YLPM1: variants seen among roughly 807,000 people sequenced by gnomAD.
YLPM1 encodes the protein YLP motif-containing protein 1.
Under a neutral mutation model 230.0 loss-of-function variants are expected in YLPM1, and 99 were observed. The observed-to-expected ratio is 0.43, with a 90% CI of 0.37 to 0.51. YLPM1 has a LOEUF of 0.51. Ranked by LOEUF, YLPM1 falls within the 20% of genes least tolerant of loss-of-function variation. The pLI is 0.00. For missense variants in YLPM1, 2,592 were observed against 2,707.7 expected (o/e 0.96, Z 0.95); for synonymous variants, 984 against 942.5 (o/e 1.04, Z -0.81).
At chr14:74,824,158 G>A in intron 17 of YLPM1, 98 bp from the exon 18 acceptor site, 1 of 1,195,648 alleles carries the variant, frequency 8.4e-7, no homozygotes. Context: ...AGTGGAAACT[G>A]AATCCATTCC....
chr14:74,816,603 C>T lies in YLPM1; in HGVS notation c.5598C>T (p.Pro1866=). 1.2e-6 allele frequency: 2 copies of T among 1,613,480 alleles called. No homozygotes were observed. The highest frequency in any genetic ancestry group is 1.7e-6 in the Non-Finnish European group (2 of 1,179,718). Residue 1866 remains proline (P), a synonymous_variant, in exon 13 of 21, where the codon CCC becomes CCT. Coordinates refer to ENST00000325680, the MANE Select transcript of YLPM1 (RefSeq NM_019589.3). ...DKEVEFGGPA[P]RVLSLDDYFI... ...AGGTAGAATTTGGAGGACCTGCACC[C>T]AGAGTTCTAAGCCTGGATGATTACT...
chr14:74,796,899 A>G (rs970126283), intron 4 of YLPM1, among the ~76,000 whole-genome samples: 10 of 149,224 alleles, frequency 6.7e-5, no homozygotes, highest in African/African-American at 2.5e-4. Flanking sequence ...TAGTTATGGA[A>G]TTTGTTAATT....
chr14:74,810,615 T>C (rs1407856858), intron 9 of YLPM1, among the ~76,000 whole-genome samples, 195 bp downstream of exon 9: 1 of 152,092 alleles, frequency 6.6e-6, no homozygotes, highest in African/African-American at 2.4e-5. Flanking sequence ...GAGAATTAAA[T>C]GGGAGATGGA....
chr14:74,776,631 A>G (rs189577174), intron 1 of YLPM1, among the ~76,000 whole-genome samples: 3 of 152,340 alleles, frequency 2.0e-5, no homozygotes, highest in Admixed American at 6.5e-5. Context: ...TAGAGCTGGA[A>G]CAAGAAGGCA....
At chr14:74,794,176 T>C (rs1328010443) in intron 4 of YLPM1, among the ~76,000 whole-genome samples, 1 of 152,124 alleles carries the variant, frequency 6.6e-6, no homozygotes, top group East Asian at 1.9e-4. Flanking sequence ...TTTCCCAAAA[T>C]TCCCTTTCTC....
Position 74,763,361 on chromosome 14 carries a change from G to C in YLPM1, c.-129G>C. 1 of 1,176,080 alleles carries C rather than the reference G, an allele frequency of 8.5e-7. No individual in the cohort carries two copies. 72.9% of individuals were successfully genotyped at this position (1,176,080 alleles called of 1,614,324 possible). On this transcript the variant is annotated 5_prime_UTR_variant, in exon 1 of 21. Transcript: ENST00000325680. ...CTCGGGAGCGCCGGCGCACTGGCGCGCTCCGTTTACACGCTCCGGGGCCTG... is the reference window on the plus strand; with the variant it reads ...CTCGGGAGCGCCGGCGCACTGGCGCCCTCCGTTTACACGCTCCGGGGCCTG...
At chr14:74,787,551 C>T (rs1464249799) in intron 4 of YLPM1, among the ~76,000 whole-genome samples, 2 of 149,086 alleles carry the variant, frequency 1.3e-5, no homozygotes, top group Non-Finnish European at 3.0e-5. Context: ...GACAGAGTGA[C>T]AGAGCGAGAA....
chr14:74,774,793 C>T, intron 1 of YLPM1, among the ~76,000 whole-genome samples: 1 of 148,102 alleles, frequency 6.8e-6, no homozygotes, highest in East Asian at 1.9e-4. Flanking sequence ...ATCAGCCCAC[C>T]TTGGCCTCCC....
chr14:74,821,113 T>C lies in YLPM1; in HGVS notation c.6087T>C (p.Asp2029=). ...AAGAACAGAAAGAAGAAAAGAAAGA[T>C]GCAGAGGAAGAGGAAAGCGAACTGG... The part of the protein sequence containing the change: ...NIEEQKEEKK[D]AEEEESELGY... Residue 2029 remains aspartate, a synonymous_variant, in exon 17 of 21, where the codon GAT becomes GAC. Transcript: ENST00000325680. 6.5e-7 allele frequency: 1 copy of C among 1,548,384 alleles called. No individual in the cohort carries two copies. The highest frequency in any genetic ancestry group is 8.7e-7 in the Non-Finnish European group (1 of 1,145,712).
At chr14:74,799,811 T>C (rs1260375973) in intron 5 of YLPM1, 114 bp downstream of exon 5, 1 of 1,398,324 alleles carries the variant, frequency 7.2e-7, no homozygotes, top group African/African-American at 1.5e-5. Flanking sequence ...TCTTATCACA[T>C]ACTTTTAATT....
Position 74,763,594 on chromosome 14 carries a change from G to A in YLPM1, c.105G>A (p.Gly35=). The change falls in exon 1 of 21, where the codon GGG becomes GGA. Residue 35 remains glycine, a synonymous_variant. Coordinates refer to ENST00000325680, the MANE Select transcript of YLPM1 (RefSeq NM_019589.3). ...TTCCTGAGGCCTCGCCGGGGCCCGGGTACTCGAGCTCGACGACTCCCGCGG... is the reference window on the plus strand; with the variant it reads ...TTCCTGAGGCCTCGCCGGGGCCCGGATACTCGAGCTCGACGACTCCCGCGG... ...VALPEASPGP[G]YSSSTTPAAP... The A allele has an allele frequency of 6.3e-7, 1 of 1,590,294 alleles. No individual in the cohort carries two copies. Among genetic ancestry groups the A allele is most frequent in the Non-Finnish European group, 8.6e-7 (1 of 1,167,372 alleles).
Position 74,810,340 on chromosome 14 carries a change from TAG to T in YLPM1, c.5152_5153del (p.Asp1718SerfsTer9). ...ATTTTAAAAGGGATCGTGAGACACA[TAG>T]AGATCGAGACCGGGATCGTGGTGTT... ...RDFKRDRETH[R>X]DRDRDRGVID... On this transcript the variant is annotated frameshift_variant, in exon 9 of 21. Coordinates refer to ENST00000325680, the MANE Select transcript of YLPM1 (RefSeq NM_019589.3). LOFTEE classifies it high-confidence loss of function. The T allele has an allele frequency of 6.2e-7, 1 of 1,613,674 alleles. No individual in the cohort carries two copies. The highest frequency in any genetic ancestry group is 8.5e-7 in the Non-Finnish European group (1 of 1,179,820).
intron 10 of YLPM1, among the ~76,000 whole-genome samples, chr14:74,812,295 T>TA (rs1374377825): frequency 1.4e-4 from 22 of 152,336 alleles, no homozygotes; most frequent in East Asian, 7.7e-4. Flanking sequence ...CTTAAAACCA[T>TA]AAAGCAGAAG....
At chr14:74,805,846 G>A (rs1238187440) in intron 6 of YLPM1, among the ~76,000 whole-genome samples, 2 of 146,586 alleles carry the variant, frequency 1.4e-5, no homozygotes, top group Non-Finnish European at 3.0e-5. Flanking sequence ...GGGATTACAG[G>A]TGCCTGCCAC....
chr14:74,787,064 C>CT (rs1253719180), intron 4 of YLPM1, among the ~76,000 whole-genome samples: 4 of 152,138 alleles, frequency 2.6e-5, no homozygotes, highest in African/African-American at 9.7e-5. Context: ...TGAGGTTTCA[C>CT]TTTTTTTATT....
chr14:74,764,943 C>T (rs191694555), intron 1 of YLPM1, among the ~76,000 whole-genome samples: 1 of 152,262 alleles, frequency 6.6e-6, no homozygotes, highest in East Asian at 1.9e-4. Context: ...AGATGAGTCC[C>T]GAGACCCTTT....
At position 74,811,606 on chromosome 14, in the gene YLPM1, A is replaced by G. The variant is rs2091435681; in HGVS notation, c.5229-14A>G. On this transcript the variant is annotated splice_polypyrimidine_tract_variant and intron_variant, in intron 9 of 20. Coordinates refer to ENST00000325680, the MANE Select transcript of YLPM1 (RefSeq NM_019589.3). ...TTTTTTATTTGCTGAAGCGCTTCCT[A>G]TTACACCTTCTAGAGCTCAGTCATA... is the stretch of plus-strand genomic sequence containing the variant. The G allele has an allele frequency of 5.6e-6, 9 of 1,595,676 alleles. No individual in the cohort carries two copies. Among genetic ancestry groups the G allele is most frequent in the Admixed American group, 3.5e-5 (2 of 56,830 alleles).
At chr14:74,818,084 C>G in intron 15 of YLPM1, 147 bp from the exon 16 acceptor site, 1 of 331,720 alleles carries the variant, frequency 3.0e-6, no homozygotes. Context: ...GCCCATTAGA[C>G]TTTACAATAT....
Position 74,809,988 on chromosome 14 carries a change from C to G in YLPM1, c.5018C>G (p.Ser1673Ter). Residue 1673 changes from serine to a stop codon, truncating the protein, a stop_gained, in exon 8 of 21, where the codon TCA (serine) becomes TGA (stop). Coordinates refer to ENST00000325680, the MANE Select transcript of YLPM1 (RefSeq NM_019589.3). LOFTEE classifies it high-confidence loss of function. Reference protein sequence around the residue: ...TLRPDPLPERSTFETEHAGQR... With the variant: ...TLRPDPLPER ...CGCCCAGATCCACTACCTGAAAGAT[C>G]AACTTTTGAGACAGGTAGGATTCCC... is the stretch of plus-strand genomic sequence containing the variant. 1 of 1,605,094 alleles carries G rather than the reference C, an allele frequency of 6.2e-7. No homozygotes were observed.
Sources: gnomAD v4.1 joint callset for allele counts (sites outside exome capture counted in the v4.1 genomes callset) on GRCh38, gnomAD v4.1.1 for gene constraint, MANE v1.5 for transcripts, NCBI Gene and HGNC (gene_info 2026-07-23, HGNC 2026-07-21) for gene names.